The following REEP1 variants were observed in gnomAD, a reference collection of about 807,000 sequenced individuals.
REEP1 encodes the protein receptor accessory protein 1.
REEP1 carries 22 observed loss-of-function variants against 40.3 expected under a neutral mutation model. The observed-to-expected ratio is 0.55, with a 90% confidence interval of 0.39 to 0.78. The LOEUF (loss-of-function observed/expected upper bound fraction) is 0.78, where lower values mean the gene tolerates loss of function less well. REEP1 is among the 30% of genes least tolerant of loss of function. The pLI, the probability that REEP1 is intolerant of heterozygous loss-of-function variation, is 0.00. For missense variants in REEP1, 280 were observed against 361.1 expected (o/e 0.78, Z 1.82); for synonymous variants, 116 against 139.2 (o/e 0.83, Z 1.17).
chr2:86,255,246 G>A (rs1237091501), intron 3 of REEP1, among the ~76,000 whole-genome samples: 1 of 146,886 alleles, frequency 6.8e-6, no homozygotes, highest in East Asian at 2.1e-4. Context: ...AACACCAGGG[G>A]GAATTACAGC....
chr2:86,297,446 A>G (rs1344834835), intron 1 of REEP1, among the ~76,000 whole-genome samples: 1 of 152,252 alleles, frequency 6.6e-6, no homozygotes, highest in Non-Finnish European at 1.5e-5. Flanking sequence ...CTTTTCCTAC[A>G]AGGGAAGCTC....
At chr2:86,269,862 T>G (rs1372957146) in intron 2 of REEP1, among the ~76,000 whole-genome samples, 1 of 151,446 alleles carries the variant, frequency 6.6e-6, no homozygotes, top group Non-Finnish European at 1.5e-5. Flanking sequence ...CTCTTAAAAC[T>G]CAACAATAAG....
At chr2:86,311,162 C>A (rs1009051583) in intron 1 of REEP1, among the ~76,000 whole-genome samples, 5 of 152,194 alleles carry the variant, frequency 3.3e-5, no homozygotes, top group South Asian at 4.2e-4. Context: ...TGACTGAACA[C>A]CAATGCAAAC....
At chr2:86,247,403 T>G (rs889936762) in intron 5 of REEP1, among the ~76,000 whole-genome samples, 1 of 152,148 alleles carries the variant, frequency 6.6e-6, no homozygotes. Flanking sequence ...AAAACAGTAA[T>G]ATTAACATTA....
intron 6 of REEP1, among the ~76,000 whole-genome samples, chr2:86,231,819 T>C (rs1285209951): frequency 6.6e-6 from 1 of 152,158 alleles, no homozygotes; most frequent in African/African-American, 2.4e-5. Flanking sequence ...TCCATGAGCC[T>C]GAAACCCGTG....
intron 1 of REEP1, among the ~76,000 whole-genome samples, chr2:86,287,027 G>A (rs1678432236): frequency 6.6e-6 from 1 of 152,168 alleles, no homozygotes; most frequent in African/African-American, 2.4e-5. Context: ...CTGGAATGCT[G>A]TGTTTCTTGA....
chr2:86,240,535 G>A (rs559824581), intron 5 of REEP1, among the ~76,000 whole-genome samples: 10 of 152,332 alleles, frequency 6.6e-5, no homozygotes, highest in Admixed American at 2.0e-4. Flanking sequence ...GGGCCAGGGC[G>A]TGAGAGTGGA....
chr2:86,290,178 G>A (rs760668411), intron 1 of REEP1, among the ~76,000 whole-genome samples: 7 of 152,048 alleles, frequency 4.6e-5, no homozygotes, highest in Non-Finnish European at 8.8e-5. Context: ...TGTATTTTTA[G>A]TGGAGACGGG....
intron 1 of REEP1, among the ~76,000 whole-genome samples, chr2:86,309,005 C>T (rs1018783223): frequency 6.6e-6 from 1 of 152,194 alleles, no homozygotes; most frequent in Non-Finnish European, 1.5e-5. Context: ...TGACCCACCT[C>T]CCACACTGTC....
chr2:86,276,797 G>A (rs774372169), intron 2 of REEP1, among the ~76,000 whole-genome samples: 4 of 145,132 alleles, frequency 2.8e-5, no homozygotes, highest in Non-Finnish European at 2.9e-5. Context: ...GACCAGCACT[G>A]TTGGCATCAT....
chr2:86,307,586 C>T (rs1338064353), intron 1 of REEP1, among the ~76,000 whole-genome samples: 4 of 152,102 alleles, frequency 2.6e-5, no homozygotes, highest in African/African-American at 7.2e-5. Flanking sequence ...AAGAGTGAGA[C>T]CCTGTCTCTA....
At chr2:86,270,724 C>T (rs1330835063) in intron 2 of REEP1, among the ~76,000 whole-genome samples, 3 of 152,054 alleles carry the variant, frequency 2.0e-5, no homozygotes, top group African/African-American at 7.2e-5. Flanking sequence ...CAAATCCAGA[C>T]TAAAGCCATG....
At chr2:86,292,371 T>C (rs1678758389) in intron 1 of REEP1, among the ~76,000 whole-genome samples, 1 of 152,232 alleles carries the variant, frequency 6.6e-6, no homozygotes. Context: ...ATTCAATCAT[T>C]AAATATGTGC....
rs1430529802 is a variant in REEP1, at chr2:86,214,052, A to G, written c.*2987T>C. On this transcript the variant is annotated 3_prime_UTR_variant, in exon 9 of 9. Transcript: ENST00000538924. ...GATGTGTATCAGGCATTATAACAAA[A>G]CAGCAGAACTTCAACCTTTGGAATA... The G allele has an allele frequency of 5.2e-6, 1 of 192,476 alleles. No individual in the cohort carries two copies. The highest frequency in any genetic ancestry group is 1.1e-5 in the Non-Finnish European group (1 of 92,942). The allele number at this position is 192,476 out of a possible 1,614,324, so 11.9% of individuals were successfully genotyped here.
chr2:86,269,717 G>T (rs189873063), intron 2 of REEP1, among the ~76,000 whole-genome samples: 1 of 152,110 alleles, frequency 6.6e-6, no homozygotes, highest in East Asian at 1.9e-4. Context: ...GTAATAGGTG[G>T]TCAGGAAAAA....
chr2:86,247,912 C>G (rs1311406071), intron 5 of REEP1, among the ~76,000 whole-genome samples: 1 of 151,976 alleles, frequency 6.6e-6, no homozygotes, highest in Non-Finnish European at 1.5e-5. Context: ...CAAATTTTTT[C>G]CACAATTCAT....
chr2:86,335,179 C>T (rs1344403512), intron 1 of REEP1, among the ~76,000 whole-genome samples: 1 of 152,164 alleles, frequency 6.6e-6, no homozygotes, highest in East Asian at 1.9e-4. Context: ...TATTAGTTAT[C>T]TCTGTGTGGT....
At chr2:86,314,543 A>C (rs2367233) in intron 1 of REEP1, among the ~76,000 whole-genome samples, 102,112 of 151,296 alleles carry the variant, frequency 0.67, 36,222 homozygotes, top group East Asian at 0.91. Context: ...AGAAGATGGA[A>C]AAGAGCCTCT....
At chr2:86,330,739 C>G (rs1680728754) in intron 1 of REEP1, among the ~76,000 whole-genome samples, 1 of 152,078 alleles carries the variant, frequency 6.6e-6, no homozygotes, top group Non-Finnish European at 1.5e-5. Context: ...GCCACCGTGC[C>G]CAGCCAGAAT....
Sources: gnomAD v4.1 joint callset for allele counts (sites outside exome capture counted in the v4.1 genomes callset) on GRCh38, gnomAD v4.1.1 for gene constraint, MANE v1.5 for transcripts, NCBI Gene and HGNC (gene_info 2026-07-23, HGNC 2026-07-21) for gene names.